The following PJA2 variants were observed in gnomAD, a reference collection of about 807,000 sequenced individuals.
PJA2 encodes the protein praja ring finger ubiquitin ligase 2.
A neutral mutation model predicts 69.3 loss-of-function variants in PJA2; 25 were observed. The observed-to-expected ratio is 0.36, with a 90% confidence interval of 0.26 to 0.50. The LOEUF is 0.50. Among genes scored for constraint, PJA2 ranks in the 20% least tolerant of loss-of-function variants. The pLI is 0.96. For synonymous variants in PJA2, 308 were observed against 277.8 expected, an observed-to-expected ratio of 1.11 and a Z score of -1.08; for missense variants, 809 against 830.2, an observed-to-expected ratio of 0.97 and a Z score of 0.31.
intron 9 of PJA2, 67 bp from the exon 10 acceptor site, chr5:109,337,423 AG>A (rs1195885485): frequency 3.1e-5 from 46 of 1,484,096 alleles, no homozygotes; most frequent in African/African-American, 1.3e-4. Context: ...AACTTAATAA[AG>A]AAAAAACAGT....
At chr5:109,341,441 C>G (rs1343676042) in intron 9 of PJA2, among the ~76,000 whole-genome samples, 2 of 117,222 alleles carry the variant, frequency 1.7e-5, no homozygotes, top group African/African-American at 3.1e-5. Flanking sequence ...CCCCTCCGCC[C>G]GGCAGCTGCC....
At chr5:109,347,922 T>C (rs1762195172) in intron 7 of PJA2, among the ~76,000 whole-genome samples, 1 of 152,222 alleles carries the variant, frequency 6.6e-6, no homozygotes, top group African/African-American at 2.4e-5. Flanking sequence ...GGGACTGAAC[T>C]CAGACTGGTA....
At chr5:109,373,335 G>A (rs1762708798) in intron 4 of PJA2, among the ~76,000 whole-genome samples, 1 of 152,148 alleles carries the variant, frequency 6.6e-6, no homozygotes, top group East Asian at 1.9e-4. Flanking sequence ...TAGATGAAGT[G>A]TCAGAAATAA....
At chr5:109,344,100 CAAAAAAAA>C (rs916556182) in intron 9 of PJA2, 82 bp downstream of exon 9, 10 of 398,602 alleles carry the variant, frequency 2.5e-5, no homozygotes, top group East Asian at 7.8e-5. Context: ...TTTGTCTCAC[CAAAAAAAA>C]AAAAAAAAAA....
chr5:109,344,900 T>G, intron 7 of PJA2, 81 bp from the exon 8 acceptor site: 1 of 835,946 alleles, frequency 1.2e-6, no homozygotes, highest in Non-Finnish European at 2.0e-6. Context: ...ATCTCCAAAA[T>G]TATATCACCA....
At chr5:109,385,280 T>C (rs1158012912) in intron 1 of PJA2, among the ~76,000 whole-genome samples, 2 of 152,134 alleles carry the variant, frequency 1.3e-5, no homozygotes, top group Non-Finnish European at 2.9e-5. Context: ...AAAATAATAC[T>C]GGTAAGAGAT....
intron 1 of PJA2, among the ~76,000 whole-genome samples, chr5:109,389,154 A>G (rs184555220): frequency 3.2e-4 from 49 of 152,284 alleles, no homozygotes; most frequent in African/African-American, 1.2e-3. Context: ...AGATTATACT[A>G]AAGTCATAAA....
Position 109,356,029 on chromosome 5 carries a change from G to GAA in PJA2, c.1653-5_1653-4dup, listed in dbSNP as rs199524515. On this transcript the variant is annotated splice_region_variant and splice_polypyrimidine_tract_variant and intron_variant, in intron 6 of 9. Transcript: ENST00000361189. ...CATCTGCAAAGCCATCAAATAGGCT[G>GAA]AAAAAAAAAAAAAATAACAGAAAAA... is the stretch of plus-strand genomic sequence containing the variant. 304 of 1,384,112 alleles carry GAA rather than the reference G, an allele frequency of 2.2e-4. No individual in the cohort carries two copies. The highest frequency in any genetic ancestry group is 5.4e-4 in the Middle Eastern group (3 of 5,516). The allele number at this position is 1,384,112 out of a possible 1,614,324, so 85.7% of individuals were successfully genotyped here.
At chr5:109,353,849 AGATGTCTAT>A (rs1762334272) in intron 7 of PJA2, among the ~76,000 whole-genome samples, 1 of 68,720 alleles carries the variant, frequency 1.5e-5, no homozygotes. Flanking sequence ...TCTATAGATT[AGATGTCTAT>A]GATATCTAGA....
intron 9 of PJA2, 69 bp downstream of exon 9, chr5:109,344,119 AAG>A: frequency 1.1e-6 from 1 of 951,068 alleles, no homozygotes; most frequent in Non-Finnish European, 1.4e-6. Flanking sequence ...AAAAAAAAAA[AAG>A]ATACTATTAT....
chr5:109,375,621 A>C (rs997843062), intron 4 of PJA2, among the ~76,000 whole-genome samples: 1 of 152,236 alleles, frequency 6.6e-6, no homozygotes, highest in Non-Finnish European at 1.5e-5. Flanking sequence ...CTTTTCAAGT[A>C]TATCAACTTT....
intron 1 of PJA2, among the ~76,000 whole-genome samples, chr5:109,393,841 T>G (rs1747337529): frequency 6.6e-6 from 1 of 151,946 alleles, no homozygotes; most frequent in Admixed American, 6.5e-5. Context: ...ATGAATGAAA[T>G]GAAAAACAGC....
intron 9 of PJA2, among the ~76,000 whole-genome samples, chr5:109,341,293 C>T (rs1762051794): frequency 1.3e-5 from 2 of 149,872 alleles, no homozygotes; most frequent in African/African-American, 4.9e-5. Flanking sequence ...TGCCCCGCCG[C>T]CCCATCTGGG....
At chr5:109,388,672 G>T (rs180904605) in intron 1 of PJA2, among the ~76,000 whole-genome samples, 6 of 151,794 alleles carry the variant, frequency 4.0e-5, no homozygotes, top group Admixed American at 2.0e-4. Context: ...ATCTTTTCTA[G>T]AAAAAAAAGG....
chr5:109,390,596 GGT>G (rs1015714399), intron 1 of PJA2: 1 of 151,756 alleles, frequency 6.6e-6, no homozygotes, highest in African/African-American at 2.4e-5. Context: ...AATGTAGTCT[GGT>G]TTAAATCTAC....
chr5:109,399,185 T>C (rs900512890), intron 1 of PJA2, among the ~76,000 whole-genome samples: 2 of 916 alleles, frequency 2.2e-3, no homozygotes, highest in African/African-American at 7.2e-3. Context: ...CACTCCAGCC[T>C]GGGTGACAGA....
intron 7 of PJA2, among the ~76,000 whole-genome samples, chr5:109,345,806 C>G (rs1762165317): frequency 6.6e-6 from 1 of 152,170 alleles, no homozygotes; most frequent in Non-Finnish European, 1.5e-5. Context: ...ACTAGGTTAT[C>G]TGGGTTGTGA....
chr5:109,356,496 C>T (rs775770926), intron 6 of PJA2, among the ~76,000 whole-genome samples: 17 of 152,028 alleles, frequency 1.1e-4, no homozygotes, highest in Admixed American at 2.6e-4. Context: ...GTAAATATTC[C>T]AAAATCTAGG....
chr5:109,386,227 AAAG>A (rs961809202), intron 1 of PJA2, among the ~76,000 whole-genome samples: 1 of 152,212 alleles, frequency 6.6e-6, no homozygotes, highest in African/African-American at 2.4e-5. Context: ...CAGTGAGAGA[AAAG>A]AAAAATACTG....
Sources: gnomAD v4.1 joint callset for allele counts (sites outside exome capture counted in the v4.1 genomes callset) on GRCh38, gnomAD v4.1.1 for gene constraint, MANE v1.5 for transcripts, NCBI Gene and HGNC (gene_info 2026-07-23, HGNC 2026-07-21) for gene names.